PDE8B: variants seen among roughly 807,000 people sequenced by gnomAD.
PDE8B encodes phosphodiesterase 8B, also known as high affinity cAMP-specific and IBMX-insensitive 3',5'-cyclic phosphodiesterase 8B.
Under a neutral mutation model 101.3 loss-of-function variants are expected in PDE8B, and 26 were observed. That is an observed-to-expected ratio of 0.26 (90% CI 0.19 to 0.36). PDE8B has a LOEUF of 0.36. Ranked by LOEUF, PDE8B falls within the 10% of genes least tolerant of loss-of-function variation. The probability of loss-of-function intolerance (pLI) is 1.00; values close to 1 mark genes in which losing one functional copy is unlikely to be tolerated. For synonymous variants in PDE8B, 424 were observed against 429.3 expected (o/e 0.99, Z 0.15); for missense variants, 810 against 1,163.1 (o/e 0.70, Z 4.42).
chr5:77,424,388 C>G (rs533374125), intron 20 of PDE8B, among the ~76,000 whole-genome samples: 2 of 152,316 alleles, frequency 1.3e-5, no homozygotes, highest in South Asian at 4.1e-4. Context: ...ATGAAAGTTA[C>G]AAATGAAGCC....
At chr5:77,287,795 A>G (rs1766362847) in intron 1 of PDE8B, among the ~76,000 whole-genome samples, 1 of 152,164 alleles carries the variant, frequency 6.6e-6, no homozygotes. Context: ...TTTTATGACT[A>G]AAATTTCCAC....
At chr5:77,260,644 A>G (rs1391499873) in intron 1 of PDE8B, among the ~76,000 whole-genome samples, 5 of 142,714 alleles carry the variant, frequency 3.5e-5, no homozygotes, top group African/African-American at 1.3e-4. Flanking sequence ...CTGGAGTGCA[A>G]TGGTGCAATC....
chr5:77,236,856 A>G (rs1209574595), intron 1 of PDE8B, among the ~76,000 whole-genome samples: 2 of 152,168 alleles, frequency 1.3e-5, no homozygotes, highest in Non-Finnish European at 2.9e-5. Flanking sequence ...TTTTCTGTCT[A>G]ATAGTTCTAT....
intron 1 of PDE8B, among the ~76,000 whole-genome samples, chr5:77,287,446 T>A (rs891666686): frequency 2.6e-5 from 4 of 151,982 alleles, no homozygotes. Context: ...TTCTTCATAT[T>A]TTTTTTTCTC....
At chr5:77,172,312 T>C in the PDE8B span, among the ~76,000 whole-genome samples, 45 of 152,286 alleles carry the variant, frequency 3.0e-4, no homozygotes, top group Non-Finnish European at 1.6e-4. Context: ...ACCTGACTGA[T>C]GAAACATCAA....
chr5:77,232,522 G>A (rs1265849969), intron 1 of PDE8B, among the ~76,000 whole-genome samples: 1 of 152,244 alleles, frequency 6.6e-6, no homozygotes, highest in East Asian at 1.9e-4. Flanking sequence ...GGAAGATGCT[G>A]TGTGTTTGAG....
the PDE8B span, among the ~76,000 whole-genome samples, chr5:77,136,385 T>C: frequency 6.6e-6 from 1 of 152,242 alleles, no homozygotes; most frequent in Non-Finnish European, 1.5e-5. Context: ...TCTGTTCTTA[T>C]TTGAGAGTGA....
At position 77,351,058 on chromosome 5, in the gene PDE8B, C is replaced by A; in HGVS notation, c.1018-7C>A. ...AAGGATTTTAAGAGCTCTCTTTGTC[C>A]ATGTAGGAGTGGCAGGGGGTTTACT... On this transcript the variant is annotated splice_region_variant and splice_polypyrimidine_tract_variant and intron_variant, in intron 8 of 21. Coordinates refer to ENST00000264917, the MANE Select transcript of PDE8B (RefSeq NM_003719.5). The A allele has an allele frequency of 6.2e-7, 1 of 1,608,986 alleles. No homozygotes were observed. The highest frequency in any genetic ancestry group is 8.5e-7 in the Non-Finnish European group (1 of 1,175,366).
At chr5:77,407,032 A>G (rs1304858620) in intron 12 of PDE8B, among the ~76,000 whole-genome samples, 1 of 152,150 alleles carries the variant, frequency 6.6e-6, no homozygotes, top group East Asian at 1.9e-4. Flanking sequence ...ATGGAACTGC[A>G]AAAGTTGGGT....
At chr5:77,163,467 AG>A in the PDE8B span, among the ~76,000 whole-genome samples, 2 of 152,270 alleles carry the variant, frequency 1.3e-5, no homozygotes, top group South Asian at 4.1e-4. Context: ...GACTAAAAAA[AG>A]GTGGTTATCT....
chr5:77,158,332 T>C, the PDE8B span, among the ~76,000 whole-genome samples: 32 of 152,358 alleles, frequency 2.1e-4, no homozygotes, highest in African/African-American at 7.2e-4. Flanking sequence ...CAAAGCAGAA[T>C]GTCGACTGCC....
chr5:77,137,046 C>T, the PDE8B span, among the ~76,000 whole-genome samples: 1 of 152,166 alleles, frequency 6.6e-6, no homozygotes, highest in African/African-American at 2.4e-5. Flanking sequence ...TGATTTCATT[C>T]TCTGCAGGTT....
intron 10 of PDE8B, among the ~76,000 whole-genome samples, chr5:77,366,056 G>A (rs1376820701): frequency 2.6e-5 from 4 of 152,078 alleles, no homozygotes; most frequent in Non-Finnish European, 4.4e-5. Context: ...CAGCTGACAG[G>A]TTTTTGGGTT....
chr5:77,309,284 A>G (rs1487739486), intron 1 of PDE8B, among the ~76,000 whole-genome samples: 1 of 152,058 alleles, frequency 6.6e-6, no homozygotes, highest in Non-Finnish European at 1.5e-5. Context: ...AAAGAGAGAA[A>G]GAAAAGTATA....
At position 77,211,813 on chromosome 5, in the gene PDE8B, G is replaced by A. The variant is rs956379385; in HGVS notation, c.339+549G>A. Among the ~76,000 whole-genome samples, 2 of 152,210 alleles carry A rather than the reference G, an allele frequency of 1.3e-5. No homozygotes were observed. The highest frequency in any genetic ancestry group is 2.9e-5 in the Non-Finnish European group (2 of 68,040). ...AATGAGTGTTCGTGTTTTAAGAGAT[G>A]TGGGAACGGAGCAGAGTGGAACCTG... is the stretch of plus-strand genomic sequence containing the variant. On this transcript the variant is annotated intron_variant, in intron 1 of 21. Coordinates refer to ENST00000264917, the MANE Select transcript of PDE8B (RefSeq NM_003719.5). The surrounding 1 kb of genome is among the most constrained non-coding windows in gnomAD (Gnocchi z 4.1).
At chr5:77,274,154 A>G (rs972600438) in intron 1 of PDE8B, among the ~76,000 whole-genome samples, 9 of 152,188 alleles carry the variant, frequency 5.9e-5, no homozygotes, top group Non-Finnish European at 1.3e-4. Flanking sequence ...TTAAGTATCT[A>G]TAAAAAGGAG....
chr5:77,266,546 A>G (rs1329497191), intron 1 of PDE8B, among the ~76,000 whole-genome samples: 1 of 152,226 alleles, frequency 6.6e-6, no homozygotes. Flanking sequence ...CATGAGTCCC[A>G]TGGTGGTTAA....
intron 10 of PDE8B, among the ~76,000 whole-genome samples, chr5:77,355,659 C>G (rs1198131615): frequency 6.6e-6 from 1 of 152,218 alleles, no homozygotes; most frequent in Non-Finnish European, 1.5e-5. Context: ...GTCTTCCTCT[C>G]CTCTGCACAC....
At chr5:77,130,497 C>G in the PDE8B span, among the ~76,000 whole-genome samples, 79 of 152,300 alleles carry the variant, frequency 5.2e-4, no homozygotes, top group Admixed American at 9.8e-4. Context: ...AAGTACTCTT[C>G]TAAGCACCTT....
Sources: allele counts gnomAD v4.1 joint callset (sites outside exome capture counted in the v4.1 genomes callset), GRCh38; gene constraint gnomAD v4.1.1; non-coding constraint Gnocchi (gnomAD v3.1); transcripts MANE v1.5; gene names NCBI Gene and HGNC (gene_info 2026-07-23, HGNC 2026-07-21).